The following KPNA4 variants were observed in gnomAD, a reference collection of about 807,000 sequenced individuals.
KPNA4 encodes the protein karyopherin subunit alpha 4, also known as importin subunit alpha-3.
Under a neutral mutation model 71.3 loss-of-function variants are expected in KPNA4, and 13 were observed. The ratio of observed to expected loss-of-function variants is 0.18; its 90% CI spans 0.12 to 0.29. The LOEUF is 0.29. Ranked by LOEUF, KPNA4 falls within the 10% of genes least tolerant of loss-of-function variation. The probability of loss-of-function intolerance (pLI) is 1.00; values close to 1 mark genes in which losing one functional copy is unlikely to be tolerated. For missense variants in KPNA4, 334 were observed against 603.2 expected (o/e 0.55, Z 4.67); for synonymous variants, 189 against 195.2 (o/e 0.97, Z 0.26).
At chr3:160,526,183 G>T in intron 8 of KPNA4, 76 bp from the exon 9 acceptor site, 1 of 1,040,968 alleles carries the variant, frequency 9.6e-7, no homozygotes, top group Non-Finnish European at 1.3e-6. Context: ...AAAGCACTGG[G>T]AATATGCTGC....
intron 2 of KPNA4, among the ~76,000 whole-genome samples, chr3:160,536,299 T>A (rs560288549): frequency 6.6e-6 from 1 of 152,216 alleles, no homozygotes; most frequent in South Asian, 2.1e-4. Flanking sequence ...AAGCAGAAGT[T>A]GGGCAGTTCA....
intron 13 of KPNA4, among the ~76,000 whole-genome samples, chr3:160,513,173 A>C (rs1409192880): frequency 1.3e-5 from 2 of 152,078 alleles, no homozygotes; most frequent in Non-Finnish European, 2.9e-5. Flanking sequence ...AAACACAGAG[A>C]AACAGATTTA....
chr3:160,521,703 T>C (rs997173583), intron 11 of KPNA4, 76 bp downstream of exon 11: 10 of 1,296,000 alleles, frequency 7.7e-6, no homozygotes, highest in Non-Finnish European at 1.1e-5. Context: ...ACTACTGAAA[T>C]TGTCCATCTT....
chr3:160,514,056 C>A (rs771691228), intron 13 of KPNA4, 21 bp downstream of exon 13: 14 of 1,365,732 alleles, frequency 1.0e-5, no homozygotes, highest in Non-Finnish European at 1.4e-5. Flanking sequence ...ATAAATGATA[C>A]ATATAACATG....
Position 160,515,477 on chromosome 3 carries a change from G to A in KPNA4, c.1007C>T (p.Thr336Ile), listed in dbSNP as rs1423063138. The A allele has an allele frequency of 1.2e-6, 2 of 1,613,648 alleles. No homozygotes were observed. The highest frequency in any genetic ancestry group is 1.7e-6 in the Non-Finnish European group (2 of 1,179,716). ...TTTATTAATTTTCTCTTTGGGATGT[G>A]TCAGGAGTGCTGGGAAGTGTGAAAG... is the stretch of plus-strand genomic sequence containing the variant. ...DALSHFPALL[T>I]HPKEKINKEA... The change falls in exon 12 of 17, where the codon ACA becomes ATA. Residue 336 changes from threonine to isoleucine, a missense_variant. Transcript: ENST00000334256.
At position 160,499,805 on chromosome 3, in the gene KPNA4, C is replaced by T. The variant is rs1232025026; in HGVS notation, c.*2299G>A. On this transcript the variant is annotated 3_prime_UTR_variant, in exon 17 of 17. Transcript: ENST00000334256. ...ATTATGTAAAGCATTGCTGTGTTCA[C>T]CTTCCAATTACTGAAACCTTCTGTA... The T allele has an allele frequency of 1.3e-5, 2 of 152,088 alleles. No homozygotes were observed. Among genetic ancestry groups the T allele is most frequent in the African/African-American group, 4.8e-5 (2 of 41,442 alleles). 9.4% of individuals were successfully genotyped at this position (152,088 alleles called of 1,614,324 possible). A position where few individuals can be genotyped will look rare whatever the true frequency, so the allele number is the denominator to read the frequency against.
intron 1 of KPNA4, among the ~76,000 whole-genome samples, chr3:160,539,120 G>GGGAA (rs1237860923): frequency 6.6e-6 from 1 of 152,010 alleles, no homozygotes; most frequent in Non-Finnish European, 1.5e-5. Flanking sequence ...TTACCTCTAT[G>GGGAA]GGAAGGCTTT....
In KPNA4 at chr3:160,507,499, CAAAAAA is replaced by C. The variant is rs57528939; in HGVS notation, c.1372+602_1372+607del. ...TGGGCAACAGAGCAAGACACTGTCTCAAAAAAAAAAAAAAAAAAAAAAAGCCTTCAT... is the reference window on the plus strand; with the variant it reads ...TGGGCAACAGAGCAAGACACTGTCTCAAAAAAAAAAAAAAAAAGCCTTCAT... On this transcript the variant is annotated intron_variant, in intron 15 of 16. Transcript: ENST00000334256. Among the ~76,000 whole-genome samples, 400 of 49,460 alleles carry C rather than the reference CAAAAAA, an allele frequency of 8.1e-3. 1 individual carries two copies. The highest frequency in any genetic ancestry group is 0.024 in the African/African-American group (381 of 15,764). The allele number at this position is 49,460 out of a possible 152,430, so 32.4% of individuals were successfully genotyped here. A position where few individuals can be genotyped will look rare whatever the true frequency, so the allele number is the denominator to read the frequency against.
chr3:160,513,172 G>A (rs968720665), intron 13 of KPNA4, among the ~76,000 whole-genome samples: 6 of 149,974 alleles, frequency 4.0e-5, no homozygotes, highest in African/African-American at 1.5e-4. Flanking sequence ...GAAACACAGA[G>A]AAACAGATTT....
intron 10 of KPNA4, among the ~76,000 whole-genome samples, chr3:160,524,417 A>G (rs1251768804): frequency 6.6e-6 from 1 of 152,084 alleles, no homozygotes; most frequent in Non-Finnish European, 1.5e-5. Flanking sequence ...ATCACAGTTC[A>G]CTGCAGCCTT....
chr3:160,503,623 A>G (rs1047062107), intron 16 of KPNA4, among the ~76,000 whole-genome samples: 1 of 152,186 alleles, frequency 6.6e-6, no homozygotes. Context: ...TGTACTTCCT[A>G]TAACTATGTA....
intron 11 of KPNA4, among the ~76,000 whole-genome samples, chr3:160,518,713 CA>C (rs1214326182): frequency 6.6e-6 from 1 of 151,616 alleles, no homozygotes; most frequent in Admixed American, 6.6e-5. Context: ...TACAAAAAAT[CA>C]GCTGGGCATG....
chr3:160,512,704 C>T (rs1333703940), intron 13 of KPNA4, among the ~76,000 whole-genome samples: 4 of 152,076 alleles, frequency 2.6e-5, no homozygotes, highest in African/African-American at 9.7e-5. Flanking sequence ...TAGTGGCGTG[C>T]GCCTATAGTC....
chr3:160,561,801 G>A (rs534276372), intron 1 of KPNA4, among the ~76,000 whole-genome samples: 4 of 151,956 alleles, frequency 2.6e-5, no homozygotes, highest in Non-Finnish European at 4.4e-5. Flanking sequence ...GAAAATAAGG[G>A]AGTAAGAGAA....
intron 11 of KPNA4, among the ~76,000 whole-genome samples, chr3:160,517,309 T>G (rs1721250300): frequency 6.6e-6 from 1 of 152,128 alleles, no homozygotes; most frequent in African/African-American, 2.4e-5. Context: ...TTCCTTTTCA[T>G]GACCAAATAA....
intron 15 of KPNA4, 45 bp from the exon 16 acceptor site, chr3:160,505,097 G>T: frequency 2.0e-6 from 2 of 992,914 alleles, no homozygotes; most frequent in Non-Finnish European, 1.5e-6. Context: ...TATTTAAAGA[G>T]CAGTGACAAG....
At chr3:160,562,553 A>T (rs1722268666) in intron 1 of KPNA4, among the ~76,000 whole-genome samples, 1 of 152,212 alleles carries the variant, frequency 6.6e-6, no homozygotes. Context: ...CCAGATATGT[A>T]AGTAACAAAT....
chr3:160,543,978 C>T (rs1386035136), intron 1 of KPNA4, among the ~76,000 whole-genome samples: 1 of 152,138 alleles, frequency 6.6e-6, no homozygotes, highest in Non-Finnish European at 1.5e-5. Context: ...TTGCCTCAGC[C>T]ACCCGAGTAT....
chr3:160,537,109 T>G (rs1721706800), intron 1 of KPNA4, among the ~76,000 whole-genome samples: 1 of 151,738 alleles, frequency 6.6e-6, no homozygotes, highest in Non-Finnish European at 1.5e-5. Flanking sequence ...AATATAAGGT[T>G]TATAAAAATA....
Sources: gnomAD v4.1 joint callset for allele counts (sites outside exome capture counted in the v4.1 genomes callset) on GRCh38, gnomAD v4.1.1 for gene constraint, MANE v1.5 for transcripts, NCBI Gene and HGNC (gene_info 2026-07-23, HGNC 2026-07-21) for gene names.